Variants in ETNK2 observed in about 807,000 individuals in gnomAD.
ETNK2 encodes ethanolamine kinase-like protein.
ETNK2 carries 33 observed loss-of-function variants against 46.2 expected under a neutral mutation model. That is an observed-to-expected ratio of 0.71 (90% CI 0.54 to 0.96). The LOEUF is 0.96. Among genes scored for constraint, ETNK2 ranks in the 40% least tolerant of loss-of-function variants. ETNK2 has a pLI of 0.00. For missense variants in ETNK2, 445 were observed against 509.7 expected (o/e 0.87, Z 1.22); for synonymous variants, 194 against 209.0 (o/e 0.93, Z 0.62).
chr1:204,134,063 G>T (rs1039323697), intron 7 of ETNK2, among the ~76,000 whole-genome samples: 1 of 152,180 alleles, frequency 6.6e-6, no homozygotes, highest in East Asian at 1.9e-4. Context: ...TGGGGCTGTC[G>T]CCCAACCAGA....
chr1:204,150,181 G>A (rs911895471), intron 1 of ETNK2, among the ~76,000 whole-genome samples: 9 of 152,164 alleles, frequency 5.9e-5, no homozygotes, highest in Admixed American at 4.6e-4. Flanking sequence ...ATGGTAGCTT[G>A]GGTTTAGCTC....
At chr1:204,137,281 C>G (rs994241304) in intron 5 of ETNK2, 32 bp from the exon 6 acceptor site, 1 of 1,608,128 alleles carries the variant, frequency 6.2e-7, no homozygotes, top group Non-Finnish European at 8.5e-7. Flanking sequence ...CAAAGTTGCT[C>G]AGAGATGGGC....
intron 3 of ETNK2, among the ~76,000 whole-genome samples, chr1:204,145,920 C>T (rs764822495): frequency 6.6e-6 from 1 of 152,084 alleles, no homozygotes; most frequent in Non-Finnish European, 1.5e-5. Flanking sequence ...GGGAGTCAGG[C>T]GTCTAAAGGC....
intron 7 of ETNK2, among the ~76,000 whole-genome samples, chr1:204,132,876 A>G (rs1212900181): frequency 2.0e-5 from 3 of 152,192 alleles, no homozygotes; most frequent in Non-Finnish European, 4.4e-5. Context: ...ATGAATATCT[A>G]CAACTTTTTC....
intron 3 of ETNK2, among the ~76,000 whole-genome samples, chr1:204,143,818 A>G (rs1187907522): frequency 6.6e-6 from 1 of 152,174 alleles, no homozygotes; most frequent in Non-Finnish European, 1.5e-5. Flanking sequence ...ACCCACCAGT[A>G]TCTCCTTGTG....
Position 204,131,323 on chromosome 1 carries a change from G to C in ETNK2, c.*861C>G, listed in dbSNP as rs948195512. The C allele has an allele frequency of 6.6e-6, 1 of 152,376 alleles. No homozygotes were observed. The highest frequency in any genetic ancestry group is 2.4e-5 in the African/African-American group (1 of 41,472). The allele number at this position is 152,376 out of a possible 1,614,324, so 9.4% of individuals were successfully genotyped here. ...GTCATTCCAGATAGGAAGACCTCGGGTCAGCTTCAGGACATAAAGTAGAGC... is the reference window on the plus strand; with the variant it reads ...GTCATTCCAGATAGGAAGACCTCGGCTCAGCTTCAGGACATAAAGTAGAGC... On this transcript the variant is annotated 3_prime_UTR_variant, in exon 8 of 8. Coordinates refer to ENST00000367202, the MANE Select transcript of ETNK2 (RefSeq NM_018208.4). This position sits in a 1 kb window ranked among gnomAD's most constrained non-coding sequence, Gnocchi z 4.3.
intron 3 of ETNK2, among the ~76,000 whole-genome samples, chr1:204,144,391 G>A (rs1442180402): frequency 7.4e-6 from 1 of 135,606 alleles, no homozygotes; most frequent in East Asian, 2.3e-4. Context: ...GGGGGCAAAT[G>A]CAAGACCTCT....
Position 204,137,218 on chromosome 1 carries a change from C to A in ETNK2, c.900G>T (p.Pro300=), listed in dbSNP as rs372782006. 6.2e-7 allele frequency: 1 copy of A among 1,613,898 alleles called. No homozygotes were observed. The highest frequency in any genetic ancestry group is 1.1e-5 in the South Asian group (1 of 91,076). The change falls in exon 6 of 8, where the codon CCG becomes CCT. Residue 300 remains proline, a synonymous_variant. Coordinates refer to ENST00000367202, the MANE Select transcript of ETNK2 (RefSeq NM_018208.4). ...GCCACTGCAGCTGGGTCTCCCGCGC[C>A]GGGTACAGGCAGTAATCCACCTCAT... ...GVNEVDYCLY[P]ARETQLQWLH...
chr1:204,137,081 A>C, intron 6 of ETNK2, 23 bp downstream of exon 6: 2 of 1,612,114 alleles, frequency 1.2e-6, no homozygotes, highest in Non-Finnish European at 1.7e-6. Flanking sequence ...TTCCTGCCCC[A>C]GCCCTAGAAA....
chr1:204,137,008 C>T (rs1657311227), intron 6 of ETNK2, 96 bp downstream of exon 6: 2 of 1,517,134 alleles, frequency 1.3e-6, no homozygotes, highest in Non-Finnish European at 1.8e-6. Context: ...CAGGCTCTCA[C>T]CTGACCCTGG....
chr1:204,146,656 G>T lies in ETNK2; in HGVS notation c.627C>A (p.Asn209Lys). The change falls in exon 3 of 8, where the codon AAC (asparagine) becomes AAA (lysine). Residue 209 changes from asparagine (N) to lysine (K), a missense_variant. Asn to Lys is a moderately conservative substitution (Grantham distance 94). Transcript: ENST00000367202. ...GATCTTTGTACCTGGGGTTGATCTC[G>T]TTCTTCACAAGCGTGAAATAATTGT... is the stretch of plus-strand genomic sequence containing the variant. ...KMHNYFTLVK[N>K]EINPSLSADV... The T allele has an allele frequency of 6.2e-7, 1 of 1,614,014 alleles. No individual in the cohort carries two copies. The highest frequency in any genetic ancestry group is 2.2e-5 in the East Asian group (1 of 44,876).
chr1:204,151,300 A>T lies in ETNK2; in HGVS notation c.258+295T>A. On this transcript the variant is annotated intron_variant, in intron 1 of 7. Coordinates refer to ENST00000367202, the MANE Select transcript of ETNK2 (RefSeq NM_018208.4). The surrounding 1 kb of genome is among the most constrained non-coding windows in gnomAD (Gnocchi z 8.0). The stretch of plus-strand genomic sequence containing the variant: ...CTTCTGGTCAGCGAGGGGCACCAGC[A>T]CGCAGCGACAGGGGGTGCGGCCCGC... The T allele has an allele frequency of 1.9e-6, 1 of 524,750 alleles. No individual in the cohort carries two copies. The highest frequency in any genetic ancestry group is 3.3e-6 in the Non-Finnish European group (1 of 298,564). The allele number at this position is 524,750 out of a possible 1,614,324, so 32.5% of individuals were successfully genotyped here.
intron 5 of ETNK2, among the ~76,000 whole-genome samples, chr1:204,137,457 T>A (rs1354667520): frequency 1.3e-5 from 2 of 152,130 alleles, no homozygotes; most frequent in Non-Finnish European, 2.9e-5. Context: ...AGGAGCACTG[T>A]TTCTGTGGGA....
At chr1:204,134,409 G>T in intron 7 of ETNK2, 106 bp downstream of exon 7, 1 of 1,293,220 alleles carries the variant, frequency 7.7e-7, no homozygotes, top group South Asian at 1.3e-5. Context: ...CAGCAGAGCA[G>T]GGGAGCGGAC....
At chr1:204,146,492 G>A (rs1031462187) in intron 3 of ETNK2, 150 bp downstream of exon 3, 26 of 899,014 alleles carry the variant, frequency 2.9e-5, no homozygotes, top group East Asian at 2.0e-4. Context: ...GAGGCTTACC[G>A]ACTAGGACTG....
rs559078698 is a variant in ETNK2 at position 204,137,011 on chromosome 1, G to A, written c.1014+93C>T. 6 of 1,529,830 alleles carry A rather than the reference G, an allele frequency of 3.9e-6. No homozygotes were observed. In the South Asian group the frequency reaches 7.5e-5, roughly 19 times the overall value. 94.8% of individuals were successfully genotyped at this position (1,529,830 alleles called of 1,614,324 possible). A position where few individuals can be genotyped will look rare whatever the true frequency, so the allele number is the denominator to read the frequency against. ...GATGGGTGTCCCCAGGCTCTCACCTGACCCTGGGCTCTGGGTAGGAGGCTA... is the reference window on the plus strand; with the variant it reads ...GATGGGTGTCCCCAGGCTCTCACCTAACCCTGGGCTCTGGGTAGGAGGCTA... On this transcript the variant is annotated intron_variant, in intron 6 of 7. Transcript: ENST00000367202.
At position 204,149,724 on chromosome 1, in the gene ETNK2, A is replaced by C; in HGVS notation, c.497T>G (p.Ile166Ser). The change falls in exon 2 of 8, where the codon ATC (isoleucine) becomes AGC (serine). Residue 166 changes from isoleucine to serine, a missense_variant. Physicochemically the swap from Ile to Ser is moderately radical, Grantham distance 142 (BLOSUM62 -2). Coordinates refer to ENST00000367202, the MANE Select transcript of ETNK2 (RefSeq NM_018208.4). ...TCACCTGAAAAGCCGGGGCTCACGG[A>C]TGTGCTCAGGCTCCAGGGCCACACC... ...MQGVALEPEH[I>S]REPRLFRLIA... is the part of the protein sequence containing the mutation. 6.3e-7 allele frequency: 1 copy of C among 1,595,346 alleles called. No homozygotes were observed. The highest frequency in any genetic ancestry group is 8.5e-7 in the Non-Finnish European group (1 of 1,171,466).
At chr1:204,150,301 C>A (rs577165400) in intron 1 of ETNK2, among the ~76,000 whole-genome samples, 1 of 152,132 alleles carries the variant, frequency 6.6e-6, no homozygotes, top group East Asian at 1.9e-4. Flanking sequence ...CACCCCAGTA[C>A]GGAAAGAAAC....
intron 6 of ETNK2, among the ~76,000 whole-genome samples, chr1:204,135,366 C>T (rs1657241810): frequency 1.3e-5 from 2 of 152,104 alleles, no homozygotes; most frequent in South Asian, 4.2e-4. Context: ...ACACCAACCC[C>T]GGTGACAGGC....
Sources: gnomAD v4.1 joint callset for allele counts (sites outside exome capture counted in the v4.1 genomes callset) on GRCh38, gnomAD v4.1.1 for gene constraint, Gnocchi (gnomAD v3.1) non-coding constraint, MANE v1.5 for transcripts, NCBI Gene and HGNC (gene_info 2026-07-23, HGNC 2026-07-21) for gene names.